The following STON1 variants were observed in gnomAD, a reference collection of about 807,000 sequenced individuals.
STON1 encodes the protein stonin 1.
STON1 carries 79 observed loss-of-function variants against 60.9 expected under a neutral mutation model. That is an observed-to-expected ratio of 1.30 (90% CI 1.08 to 1.56). The LOEUF (loss-of-function observed/expected upper bound fraction) is 1.56, where lower values mean the gene tolerates loss of function less well. Among genes scored for constraint, STON1 ranks in the 40% most tolerant of loss-of-function variants. The pLI is 0.00. For missense variants in STON1, 1,166 were observed against 858.9 expected (o/e 1.36, Z -4.47); for synonymous variants, 363 against 306.9 (o/e 1.18, Z -1.91).
Position 48,582,091 on chromosome 2 carries a change from TTTTCATAAGTG to T in STON1, c.1460_1470del (p.Phe487CysfsTer7), listed in dbSNP as rs761363614. The T allele has an allele frequency of 5.6e-5, 90 of 1,614,176 alleles. No homozygotes were observed. The East Asian group carries it at 1.3e-3, about 23-fold the overall frequency. On this transcript the variant is annotated frameshift_variant, in exon 2 of 4. Transcript: ENST00000404752. LOFTEE classifies it high-confidence loss of function. ...AGGGGATTGATATTCTTGACTACCATTTTCATAAGTGTGTGAATGTACAAGAATTTGAGCAA... is the reference window on the plus strand; with the variant it reads ...AGGGGATTGATATTCTTGACTACCATTGTGAATGTACAAGAATTTGAGCAA...
intron 1 of STON1, among the ~76,000 whole-genome samples, chr2:48,554,707 A>ATTTTT (rs11475306): frequency 2.0e-4 from 18 of 88,748 alleles, no homozygotes; most frequent in African/African-American, 4.2e-4. Flanking sequence ...TAAGTGCAAA[A>ATTTTT]TTTTTTTTTT....
intron 1 of STON1, among the ~76,000 whole-genome samples, chr2:48,539,902 A>T (rs915237639): frequency 2.0e-5 from 3 of 152,052 alleles, no homozygotes; most frequent in Non-Finnish European, 4.4e-5. Context: ...GTTCCTCTAG[A>T]CCTATTTCAC....
At chr2:48,552,643 G>T (rs986646787) in intron 1 of STON1, among the ~76,000 whole-genome samples, 4 of 151,912 alleles carry the variant, frequency 2.6e-5, no homozygotes, top group Non-Finnish European at 4.4e-5. Context: ...GGTGGCAGGC[G>T]CCTGTAATCC....
At chr2:48,568,912 C>T (rs1673063260) in intron 1 of STON1, 1 of 152,246 alleles carries the variant, frequency 6.6e-6, no homozygotes, top group Admixed American at 6.5e-5. Context: ...GGTGGTGGCT[C>T]TACCCTGGTG....
rs1674762859 is a variant in STON1, at chr2:48,595,852, C to T, written c.*550C>T. 1 of 152,646 alleles carries T rather than the reference C, an allele frequency of 6.6e-6. No individual in the cohort carries two copies. The allele number at this position is 152,646 out of a possible 1,614,324, so 9.5% of individuals were successfully genotyped here. A position where few individuals can be genotyped will look rare whatever the true frequency, so the allele number is the denominator to read the frequency against. On this transcript the variant is annotated 3_prime_UTR_variant, in exon 4 of 4. Coordinates refer to ENST00000404752, the MANE Select transcript of STON1 (RefSeq NM_006873.4). ...CTTTTGAATTACTTATTTACCTGTCCTCTTACCGTTGGTAAATAATAATTG... is the reference window on the plus strand; with the variant it reads ...CTTTTGAATTACTTATTTACCTGTCTTCTTACCGTTGGTAAATAATAATTG...
rs747845774 is a variant in STON1 at position 48,582,483 on chromosome 2, T to A, written c.1850T>A (p.Val617Asp). 1.6e-5 allele frequency: 26 copies of A among 1,614,068 alleles called. No individual in the cohort carries two copies. The East Asian group carries it at 5.8e-4, about 36-fold the overall frequency. ...QELESEPVIQVTVGSAKYESA... is the reference protein window; with the variant it reads ...QELESEPVIQDTVGSAKYESA... ...CTTGAATCTGAACCTGTCATTCAAG[T>A]CACTGTGGGGTCAGCAAAATATGAG... Residue 617 changes from valine to aspartate, a missense_variant, in exon 2 of 4, where the codon GTC becomes GAC. Coordinates refer to ENST00000404752, the MANE Select transcript of STON1 (RefSeq NM_006873.4).
chr2:48,569,816 T>A (rs781084577), intron 1 of STON1, among the ~76,000 whole-genome samples: 1 of 152,250 alleles, frequency 6.6e-6, no homozygotes, highest in Non-Finnish European at 1.5e-5. Flanking sequence ...TAGATTTTTT[T>A]GGATTTTGGA....
intron 3 of STON1, among the ~76,000 whole-genome samples, chr2:48,592,612 A>ATTG (rs1558652934): frequency 6.8e-6 from 1 of 147,032 alleles, no homozygotes; most frequent in African/African-American, 2.5e-5. Flanking sequence ...TATTATTATT[A>ATTG]TTATTATTAT....
chr2:48,548,278 A>G (rs1671942243), intron 1 of STON1, among the ~76,000 whole-genome samples: 1 of 152,224 alleles, frequency 6.6e-6, no homozygotes. Context: ...TGCTTCTGCT[A>G]CATGCTTATG....
chr2:48,592,442 T>C (rs1674573857), intron 3 of STON1, among the ~76,000 whole-genome samples: 1 of 151,558 alleles, frequency 6.6e-6, no homozygotes, highest in South Asian at 2.1e-4. Context: ...TTCAGTTTTT[T>C]TTTTTTTAAG....
At chr2:48,549,225 G>T (rs1474152116) in intron 1 of STON1, among the ~76,000 whole-genome samples, 1 of 152,174 alleles carries the variant, frequency 6.6e-6, no homozygotes, top group African/African-American at 2.4e-5. Flanking sequence ...AAGAGCAGAA[G>T]AATTTATCAA....
intron 1 of STON1, among the ~76,000 whole-genome samples, chr2:48,553,916 T>C (rs1672203141): frequency 6.6e-6 from 1 of 152,150 alleles, no homozygotes; most frequent in South Asian, 2.1e-4. Flanking sequence ...GAAGAAAACC[T>C]AAATACTGGC....
chr2:48,557,209 C>T lies in STON1; in HGVS notation c.-47-23378C>T, dbSNP rs1672410217. 2.5e-5 allele frequency among the ~76,000 whole-genome samples: 2 copies of T among 78,856 alleles called. 1 individual carries two copies. The highest frequency in any genetic ancestry group is 9.7e-5 in the African/African-American group (2 of 20,606). The allele number at this position is 78,856 out of a possible 152,430, so 51.7% of individuals were successfully genotyped here. Reference sequence around the variant, plus strand: ...AGCTGCCGGGCGGAGGGGCTCCTCACTTCTCAGACGGGGTGGTTGCCAGGC... The same window carrying T: ...AGCTGCCGGGCGGAGGGGCTCCTCATTTCTCAGACGGGGTGGTTGCCAGGC... On this transcript the variant is annotated intron_variant, in intron 1 of 3. Transcript: ENST00000404752.
At chr2:48,595,203 C>T (rs758102076) in intron 3 of STON1, 25 bp from the exon 4 acceptor site, 46 of 1,580,262 alleles carry the variant, frequency 2.9e-5, no homozygotes, top group Non-Finnish European at 3.7e-5. Flanking sequence ...GTTAATGCTG[C>T]CTGTGTTTTG....
chr2:48,575,443 C>T (rs935544136), intron 1 of STON1, among the ~76,000 whole-genome samples: 3 of 151,946 alleles, frequency 2.0e-5, no homozygotes, highest in Non-Finnish European at 4.4e-5. Flanking sequence ...CACCTGAGGT[C>T]GGGAGTTCGA....
At chr2:48,541,762 T>C (rs1210425561) in intron 1 of STON1, among the ~76,000 whole-genome samples, 2 of 149,896 alleles carry the variant, frequency 1.3e-5, no homozygotes, top group African/African-American at 4.9e-5. Context: ...TAAATACATG[T>C]ACATTGGCTC....
intron 1 of STON1, among the ~76,000 whole-genome samples, chr2:48,536,252 A>C (rs1311438813): frequency 6.6e-6 from 1 of 152,094 alleles, no homozygotes; most frequent in East Asian, 1.9e-4. Context: ...ATAGTGCATG[A>C]AAATGTCAGA....
At chr2:48,539,017 A>G (rs1671547716) in intron 1 of STON1, among the ~76,000 whole-genome samples, 2 of 152,044 alleles carry the variant, frequency 1.3e-5, no homozygotes, top group South Asian at 4.1e-4. Flanking sequence ...TCCTGGGCTC[A>G]AGCTATCCTC....
chr2:48,563,377 C>A (rs1398907249), intron 1 of STON1, among the ~76,000 whole-genome samples: 1 of 152,228 alleles, frequency 6.6e-6, no homozygotes, highest in African/African-American at 2.4e-5. Context: ...TGTGGAAGCT[C>A]TTTGGTCTGC....
Sources: allele counts gnomAD v4.1 joint callset (sites outside exome capture counted in the v4.1 genomes callset), GRCh38; gene constraint gnomAD v4.1.1; transcripts MANE v1.5; gene names NCBI Gene and HGNC (gene_info 2026-07-23, HGNC 2026-07-21).